Variants in FRMD5 observed in about 807,000 individuals in gnomAD.
FRMD5 encodes the protein FERM domain-containing protein 5.
In FRMD5, 20 loss-of-function variants were observed where a neutral mutation model predicts 69.0. The observed-to-expected ratio is 0.29, with a 90% CI of 0.20 to 0.42. The LOEUF (loss-of-function observed/expected upper bound fraction) is 0.42, where lower values mean the gene tolerates loss of function less well. Ranked by LOEUF, FRMD5 falls within the 10% of genes least tolerant of loss-of-function variation. The pLI is 1.00. For missense variants in FRMD5, 595 were observed against 708.6 expected (o/e 0.84, Z 1.82); for synonymous variants, 271 against 260.1 (o/e 1.04, Z -0.40).
At chr15:43,960,063 A>G (rs1566862747) in intron 1 of FRMD5, among the ~76,000 whole-genome samples, 1 of 150,270 alleles carries the variant, frequency 6.7e-6, no homozygotes. Context: ...GATTACAGAC[A>G]TGCGCCACCA....
Position 43,924,189 on chromosome 15 carries a change from T to C in FRMD5, c.207+16A>G. On this transcript the variant is annotated intron_variant, in intron 2 of 13. Transcript: ENST00000417257. Reference sequence around the variant, plus strand: ...ACTAGCCCTGTCCTCCTTTTGTGCTTTGAATATTGACTTACCCGCTGCTTA... The same window carrying C: ...ACTAGCCCTGTCCTCCTTTTGTGCTCTGAATATTGACTTACCCGCTGCTTA... 2 of 1,578,314 alleles carry C rather than the reference T, an allele frequency of 1.3e-6. No individual in the cohort carries two copies. The highest frequency in any genetic ancestry group is 1.7e-6 in the Non-Finnish European group (2 of 1,147,428).
upstream of FRMD5, among the ~76,000 whole-genome samples, chr15:44,198,513 G>A (rs548237371): frequency 2.0e-5 from 3 of 152,136 alleles, no homozygotes; most frequent in Admixed American, 1.3e-4. Flanking sequence ...TGGAAGAAAA[G>A]CAAGAATCTA....
At chr15:43,875,469 G>A (rs192201986) in intron 13 of FRMD5, among the ~76,000 whole-genome samples, 6 of 149,080 alleles carry the variant, frequency 4.0e-5, no homozygotes, top group African/African-American at 1.2e-4. Context: ...TTTTGCTTAC[G>A]GTTTTGGCCT....
chr15:43,906,506 C>A (rs1262615507), intron 5 of FRMD5, among the ~76,000 whole-genome samples: 1 of 152,196 alleles, frequency 6.6e-6, no homozygotes, highest in Admixed American at 6.5e-5. Flanking sequence ...TCATTAAGGG[C>A]TGACCAGGTG....
chr15:44,004,666 C>G (rs1475533191), intron 1 of FRMD5, among the ~76,000 whole-genome samples: 3 of 152,346 alleles, frequency 2.0e-5, no homozygotes, highest in Non-Finnish European at 4.4e-5. Context: ...CTCAGTCCCT[C>G]TCTTTGGGCC....
At chr15:44,173,250 T>C (rs1340042778) in intron 1 of FRMD5, among the ~76,000 whole-genome samples, 1 of 152,154 alleles carries the variant, frequency 6.6e-6, no homozygotes, top group African/African-American at 2.4e-5. Flanking sequence ...TAAGAAAACC[T>C]ACATGCAGCT....
chr15:43,964,047 A>G (rs1480529359), intron 1 of FRMD5, among the ~76,000 whole-genome samples: 1 of 152,104 alleles, frequency 6.6e-6, no homozygotes, highest in Admixed American at 6.5e-5. Flanking sequence ...CCTAAAACTT[A>G]AAGTATAATA....
chr15:43,885,806 A>C (rs2088649365), intron 10 of FRMD5, 51 bp from the exon 11 acceptor site: 1 of 1,384,590 alleles, frequency 7.2e-7, no homozygotes, highest in Admixed American at 1.7e-5. Flanking sequence ...TGCCTCACAC[A>C]GGTTAAGGCA....
chr15:44,131,115 T>C (rs2077091548), intron 1 of FRMD5, among the ~76,000 whole-genome samples: 1 of 152,196 alleles, frequency 6.6e-6, no homozygotes, highest in South Asian at 2.1e-4. Flanking sequence ...CTATCCACTT[T>C]CATTCAAATG....
intron 1 of FRMD5, among the ~76,000 whole-genome samples, chr15:44,001,928 C>T (rs1299639917): frequency 6.6e-6 from 1 of 151,976 alleles, no homozygotes; most frequent in Non-Finnish European, 1.5e-5. Context: ...ACCATGTTGG[C>T]TAGGCTGATC....
intron 1 of FRMD5, among the ~76,000 whole-genome samples, chr15:43,992,202 G>A (rs1250350267): frequency 6.6e-6 from 1 of 152,132 alleles, no homozygotes; most frequent in East Asian, 1.9e-4. Flanking sequence ...AGATTGTTCT[G>A]AGTTTGTTTT....
chr15:44,153,931 G>A (rs2077486093), intron 1 of FRMD5, among the ~76,000 whole-genome samples: 1 of 152,080 alleles, frequency 6.6e-6, no homozygotes, highest in Non-Finnish European at 1.5e-5. Context: ...TGGCGCCACT[G>A]CACTCCAGCC....
At chr15:43,988,685 T>C (rs1278488304) in intron 1 of FRMD5, among the ~76,000 whole-genome samples, 1 of 152,146 alleles carries the variant, frequency 6.6e-6, no homozygotes, top group Non-Finnish European at 1.5e-5. Flanking sequence ...TTGTATTACA[T>C]AATTTACATG....
chr15:44,103,247 A>G (rs551559401), intron 1 of FRMD5, among the ~76,000 whole-genome samples: 1 of 152,324 alleles, frequency 6.6e-6, no homozygotes, highest in South Asian at 2.1e-4. Flanking sequence ...GTCAGTATAG[A>G]AGGAGCTCTG....
chr15:43,927,422 C>T (rs776690594), intron 1 of FRMD5, among the ~76,000 whole-genome samples: 2 of 152,182 alleles, frequency 1.3e-5, no homozygotes, highest in African/African-American at 2.4e-5. Context: ...ATGAATCACA[C>T]TGGGACTTCT....
At chr15:44,109,253 T>A (rs1003616662) in intron 1 of FRMD5, among the ~76,000 whole-genome samples, 1 of 152,122 alleles carries the variant, frequency 6.6e-6, no homozygotes, top group African/African-American at 2.4e-5. Context: ...CTTTTTCTTA[T>A]ATATCTTGAT....
intron 1 of FRMD5, among the ~76,000 whole-genome samples, chr15:44,111,888 T>C (rs2140590649): frequency 6.6e-6 from 1 of 152,056 alleles, no homozygotes; most frequent in Non-Finnish European, 1.5e-5. Flanking sequence ...TCTCGTGCTG[T>C]CGCCCAGGCT....
At chr15:44,071,973 C>T (rs1893559701) in intron 1 of FRMD5, among the ~76,000 whole-genome samples, 1 of 152,142 alleles carries the variant, frequency 6.6e-6, no homozygotes, top group South Asian at 2.1e-4. Context: ...CCAAGTGATT[C>T]TCCTGCCTCA....
intron 1 of FRMD5, among the ~76,000 whole-genome samples, chr15:44,098,105 A>T (rs1205338122): frequency 7.4e-6 from 1 of 134,300 alleles, no homozygotes; most frequent in African/African-American, 2.7e-5. Flanking sequence ...AAAAGTTCAG[A>T]GTGACAAAAC....
Sources: gnomAD v4.1 joint callset for allele counts (sites outside exome capture counted in the v4.1 genomes callset) on GRCh38, gnomAD v4.1.1 for gene constraint, MANE v1.5 for transcripts, NCBI Gene and HGNC (gene_info 2026-07-23, HGNC 2026-07-21) for gene names.